Variants in UTRN observed in about 807,000 individuals in gnomAD.
The protein encoded by UTRN is dystrophin-related protein 1.
UTRN carries 283 observed loss-of-function variants against 463.9 expected under a neutral mutation model. That is an observed-to-expected ratio of 0.61 (90% confidence interval 0.55 to 0.67). The LOEUF (loss-of-function observed/expected upper bound fraction) is 0.67, where lower values mean the gene tolerates loss of function less well. UTRN is among the 30% of genes least tolerant of loss of function. The pLI is 0.00. For synonymous variants in UTRN, 1,442 were observed against 1,431.5 expected, an observed-to-expected ratio of 1.01 and a Z score of -0.17; for missense variants, 3,922 against 4,084.3, an observed-to-expected ratio of 0.96 and a Z score of 1.08.
intron 54 of UTRN, among the ~76,000 whole-genome samples, chr6:144,740,852 A>G (rs1261719282): frequency 6.6e-6 from 1 of 152,204 alleles, no homozygotes; most frequent in Non-Finnish European, 1.5e-5. Flanking sequence ...TAGACATAGC[A>G]TTTTCAATTA....
chr6:144,737,915 G>A (rs533090117), intron 54 of UTRN, among the ~76,000 whole-genome samples: 4 of 150,952 alleles, frequency 2.6e-5, no homozygotes, highest in African/African-American at 9.7e-5. Context: ...ATTGTTCTTT[G>A]TACTTTCCAA....
intron 50 of UTRN, among the ~76,000 whole-genome samples, chr6:144,573,990 A>T (rs751002191): frequency 1.3e-5 from 2 of 152,212 alleles, no homozygotes; most frequent in African/African-American, 2.4e-5. Context: ...CTGGGATGGA[A>T]TATTCTGGAA....
At chr6:144,370,246 A>C (rs954196492) in intron 2 of UTRN, among the ~76,000 whole-genome samples, 5 of 152,130 alleles carry the variant, frequency 3.3e-5, no homozygotes, top group African/African-American at 7.2e-5. Flanking sequence ...CTAGGAGGGA[A>C]AAATGGTTTA....
chr6:144,810,373 T>A lies in UTRN; in HGVS notation c.9357+7226T>A, dbSNP rs142091940. Among the ~76,000 whole-genome samples, 36 of 152,278 alleles carry A rather than the reference T, an allele frequency of 2.4e-4. No homozygotes were observed. In the East Asian group the frequency reaches 5.4e-3, roughly 23 times the overall value. On this transcript the variant is annotated intron_variant, in intron 65 of 74. Transcript: ENST00000367545. ...ATTATACAGCCACAAATGAAAAAGA[T>A]GTTATAGGAAATGGCATTATCATGG...
In UTRN at chr6:144,429,796, G is replaced by A. The variant is rs1785633319; in HGVS notation, c.855+55G>A. 1.9e-6 allele frequency: 3 copies of A among 1,563,848 alleles called. No homozygotes were observed. In the South Asian group the frequency reaches 3.7e-5, roughly 19 times the overall value. Reference sequence around the variant, plus strand: ...GCTTGCCGTATTTGTTTTCTCCTAGGTACTAGATAAAAACACTTTTAGAGG... The same window carrying A: ...GCTTGCCGTATTTGTTTTCTCCTAGATACTAGATAAAAACACTTTTAGAGG... On this transcript the variant is annotated intron_variant, in intron 9 of 74. Coordinates refer to ENST00000367545, the MANE Select transcript of UTRN (RefSeq NM_007124.3).
At chr6:144,810,508 A>C (rs1203689033) in intron 65 of UTRN, among the ~76,000 whole-genome samples, 1 of 152,210 alleles carries the variant, frequency 6.6e-6, no homozygotes, top group African/African-American at 2.4e-5. Flanking sequence ...AGAAAGGTAG[A>C]TAGATAGGCT....
intron 53 of UTRN, among the ~76,000 whole-genome samples, chr6:144,704,919 G>A (rs1003793305): frequency 8.5e-5 from 13 of 152,074 alleles, no homozygotes; most frequent in Non-Finnish European, 1.3e-4. Context: ...CCAAGATCAC[G>A]CCACTGCACT....
chr6:144,541,734 T>C (rs1797990211), intron 45 of UTRN, among the ~76,000 whole-genome samples: 1 of 152,210 alleles, frequency 6.6e-6, no homozygotes. Flanking sequence ...GACAACCAAT[T>C]ATAACATCCA....
At chr6:144,349,439 C>T (rs1376265129) in intron 2 of UTRN, among the ~76,000 whole-genome samples, 1 of 152,208 alleles carries the variant, frequency 6.6e-6, no homozygotes, top group Non-Finnish European at 1.5e-5. Flanking sequence ...GATCTCCCAA[C>T]CAGGGAGGAT....
intron 2 of UTRN, among the ~76,000 whole-genome samples, chr6:144,363,314 A>G (rs1189890141): frequency 6.6e-6 from 1 of 152,182 alleles, no homozygotes; most frequent in Non-Finnish European, 1.5e-5. Flanking sequence ...ACATATGTCC[A>G]TTGGTATAGC....
At chr6:144,568,194 T>C (rs1209480483) in intron 50 of UTRN, among the ~76,000 whole-genome samples, 1 of 152,206 alleles carries the variant, frequency 6.6e-6, no homozygotes, top group South Asian at 2.1e-4. Flanking sequence ...CTTGGTGTCA[T>C]TTCTTGCAGT....
intron 51 of UTRN, among the ~76,000 whole-genome samples, chr6:144,597,521 G>A (rs1315656035): frequency 6.6e-6 from 1 of 152,176 alleles, no homozygotes. Flanking sequence ...GATATAGTAG[G>A]AAAGTTGGTG....
Position 144,291,766 on chromosome 6 carries a change from A to C in UTRN, c.-63A>C. On this transcript the variant is annotated 5_prime_UTR_variant, in exon 2 of 75. Coordinates refer to ENST00000367545, the MANE Select transcript of UTRN (RefSeq NM_007124.3). The stretch of plus-strand genomic sequence containing the variant: ...TGATGTCAAGCTGAACCATCGTAGG[A>C]AGTTGAAAGCCTTAGAAAGAGGACT... 6.8e-7 allele frequency: 1 copy of C among 1,481,012 alleles called. No individual in the cohort carries two copies. Among genetic ancestry groups the C allele is most frequent in the Non-Finnish European group, 9.3e-7 (1 of 1,079,176 alleles). The allele number at this position is 1,481,012 out of a possible 1,614,324, so 91.7% of individuals were successfully genotyped here. A position where few individuals can be genotyped will look rare whatever the true frequency, so the allele number is the denominator to read the frequency against.
intron 2 of UTRN, among the ~76,000 whole-genome samples, chr6:144,324,141 T>C (rs955010069): frequency 1.3e-5 from 2 of 152,240 alleles, no homozygotes; most frequent in African/African-American, 4.8e-5. Context: ...ATTGTTAATA[T>C]CTCGATATAG....
At chr6:144,588,636 AG>A (rs935529863) in intron 51 of UTRN, among the ~76,000 whole-genome samples, 2 of 152,158 alleles carry the variant, frequency 1.3e-5, no homozygotes, top group Non-Finnish European at 2.9e-5. Flanking sequence ...TGTAACTTAA[AG>A]GGTTGATGAT....
intron 45 of UTRN, among the ~76,000 whole-genome samples, chr6:144,540,875 G>A (rs1030530430): frequency 2.0e-5 from 3 of 152,218 alleles, no homozygotes; most frequent in Admixed American, 2.0e-4. Flanking sequence ...AAATGTAGCA[G>A]AAGTTTGACA....
chr6:144,343,648 G>A (rs774447449), intron 2 of UTRN, among the ~76,000 whole-genome samples: 5 of 152,166 alleles, frequency 3.3e-5, no homozygotes, highest in Non-Finnish European at 7.4e-5. Context: ...GCTGCATATG[G>A]TTAAGTTTAT....
Position 144,479,858 on chromosome 6 carries a change from C to A in UTRN, c.3383C>A (p.Ala1128Glu), listed in dbSNP as rs760235065. 2 of 1,613,822 alleles carry A rather than the reference C, an allele frequency of 1.2e-6. No homozygotes were observed. Among genetic ancestry groups the A allele is most frequent in the Non-Finnish European group, 1.7e-6 (2 of 1,179,908 alleles). Residue 1128 changes from alanine (A) to glutamate (E), a missense_variant, in exon 26 of 75, where the codon GCG becomes GAG. This residue lies in a region of UTRN where 2,349 missense variants were observed against 2,303.8 expected (regional missense o/e 1.02). Coordinates refer to ENST00000367545, the MANE Select transcript of UTRN (RefSeq NM_007124.3). ...TTGTCTGAAAGTCAAGAAAAAGCTG[C>A]GAACCTGAAGAAAGACTTGGCAGAG... ...SRLSESQEKA[A>E]NLKKDLAEMQ...
intron 65 of UTRN, among the ~76,000 whole-genome samples, chr6:144,806,097 T>G (rs1227701456): frequency 6.6e-6 from 1 of 152,184 alleles, no homozygotes; most frequent in African/African-American, 2.4e-5. Context: ...ATAAAATTAC[T>G]ATTTTTCTTG....
Sources: allele counts gnomAD v4.1 joint callset (sites outside exome capture counted in the v4.1 genomes callset), GRCh38; gene constraint gnomAD v4.1.1; regional missense constraint gnomAD v4.1.1; transcripts MANE v1.5; gene names NCBI Gene and HGNC (gene_info 2026-07-23, HGNC 2026-07-21).